Variants in WWOX observed in about 807,000 individuals in gnomAD.
WWOX encodes the protein WW domain-containing oxidoreductase.
WWOX carries 69 observed loss-of-function variants against 46.2 expected under a neutral mutation model. That is an observed-to-expected ratio of 1.49 (90% CI 1.23 to 1.82). The LOEUF is 1.82. WWOX is among the 40% of genes most tolerant of loss of function. The probability of loss-of-function intolerance (pLI) is 0.00; values close to 1 mark genes in which losing one functional copy is unlikely to be tolerated. For missense variants in WWOX, 919 were observed against 542.6 expected (o/e 1.69, Z -6.89); for synonymous variants, 359 against 202.6 (o/e 1.77, Z -6.56).
chr16:78,511,431 A>G (rs1049499139), intron 8 of WWOX, among the ~76,000 whole-genome samples: 1 of 152,212 alleles, frequency 6.6e-6, no homozygotes, highest in African/African-American at 2.4e-5. Flanking sequence ...ACATTTTGCA[A>G]TCCCATGCAC....
intron 5 of WWOX, among the ~76,000 whole-genome samples, chr16:78,326,585 C>G (rs866995766): frequency 3.9e-5 from 4 of 103,596 alleles, no homozygotes; most frequent in Middle Eastern, 4.8e-3. Flanking sequence ...CCGCCCCCCC[C>G]CCCCGCAATG....
intron 8 of WWOX, among the ~76,000 whole-genome samples, chr16:79,097,050 A>T (rs1447811497): frequency 6.6e-6 from 1 of 152,072 alleles, no homozygotes; most frequent in Non-Finnish European, 1.5e-5. Flanking sequence ...TTCATTTAAA[A>T]GGTCAGGTTG....
At chr16:78,645,568 G>A (rs1179706207) in intron 8 of WWOX, among the ~76,000 whole-genome samples, 1 of 152,114 alleles carries the variant, frequency 6.6e-6, no homozygotes, top group Non-Finnish European at 1.5e-5. Flanking sequence ...GAAAGTGAAG[G>A]GGAGCCAGCA....
intron 8 of WWOX, among the ~76,000 whole-genome samples, chr16:78,615,471 C>G (rs74775294): frequency 6.6e-6 from 1 of 151,924 alleles, no homozygotes; most frequent in Non-Finnish European, 1.5e-5. Flanking sequence ...CAGCATAGCA[C>G]GACCCATCTC....
intron 5 of WWOX, among the ~76,000 whole-genome samples, chr16:78,285,237 A>G (rs541533712): frequency 6.6e-6 from 1 of 152,114 alleles, no homozygotes; most frequent in South Asian, 2.1e-4. Context: ...GTTCGAGACT[A>G]CCCTGGGCAA....
At chr16:78,389,122 C>T (rs1404856592) in intron 6 of WWOX, among the ~76,000 whole-genome samples, 1 of 152,198 alleles carries the variant, frequency 6.6e-6, no homozygotes, top group Non-Finnish European at 1.5e-5. Context: ...AGATAACATC[C>T]CCCAGCCAGC....
At chr16:78,731,122 A>T (rs2048959866) in intron 8 of WWOX, among the ~76,000 whole-genome samples, 2 of 152,240 alleles carry the variant, frequency 1.3e-5, no homozygotes, top group South Asian at 2.1e-4. Flanking sequence ...TTTTGAGTGA[A>T]TCTGGTTTAA....
At chr16:78,955,744 C>T (rs947021620) in intron 8 of WWOX, among the ~76,000 whole-genome samples, 1 of 151,160 alleles carries the variant, frequency 6.6e-6, no homozygotes, top group African/African-American at 2.4e-5. Flanking sequence ...GCCTCCTAAA[C>T]TCAAGCAGTT....
At chr16:78,825,937 TC>T in intron 8 of WWOX, 1 of 811,300 alleles carries the variant, frequency 1.2e-6, no homozygotes, top group Non-Finnish European at 2.0e-6. Context: ...TGCCCACCAC[TC>T]CCATCTCAGA....
chr16:78,714,990 G>C (rs997852645), intron 8 of WWOX, among the ~76,000 whole-genome samples: 1 of 152,150 alleles, frequency 6.6e-6, no homozygotes, highest in Admixed American at 6.5e-5. Context: ...GCTCGGTAGA[G>C]AATGGATTGT....
chr16:78,429,033 G>A (rs774090703), intron 7 of WWOX, among the ~76,000 whole-genome samples: 1 of 152,122 alleles, frequency 6.6e-6, no homozygotes, highest in Non-Finnish European at 1.5e-5. Flanking sequence ...CTTGGTCCTT[G>A]GATTGGAATT....
At chr16:79,183,920 C>T (rs1049153665) in intron 8 of WWOX, among the ~76,000 whole-genome samples, 1 of 152,208 alleles carries the variant, frequency 6.6e-6, no homozygotes, top group Non-Finnish European at 1.5e-5. Context: ...TCGAGACCTG[C>T]CACTCAGATG....
At chr16:78,483,589 G>A (rs182182865) in intron 8 of WWOX, among the ~76,000 whole-genome samples, 1 of 152,158 alleles carries the variant, frequency 6.6e-6, no homozygotes, top group Admixed American at 6.5e-5. Flanking sequence ...AAAATCAATA[G>A]GGATTAACCT....
intron 8 of WWOX, among the ~76,000 whole-genome samples, chr16:78,497,539 A>AACAG (rs1555549857): frequency 3.3e-5 from 5 of 151,858 alleles, no homozygotes; most frequent in African/African-American, 1.2e-4. Context: ...ATCCTACAGA[A>AACAG]AGAGAATATT....
chr16:78,962,502 T>C lies in WWOX; in HGVS notation c.1057-249106T>C, dbSNP rs532261677. ...GAAAGTGAGATTGCTTCACATTGCA[T>C]TTAAAGGCTTAAATAATGTATTCTG... On this transcript the variant is annotated intron_variant, in intron 8 of 8. Transcript: ENST00000566780. Among the ~76,000 whole-genome samples the C allele has an allele frequency of 2.0e-5, 3 of 152,146 alleles. No individual in the cohort carries two copies. The South Asian group carries it at 6.2e-4, about 32-fold the overall frequency.
rs1012216639 is a variant in WWOX at position 78,190,283 on chromosome 16, G to A, written c.516+25994G>A. Among the ~76,000 whole-genome samples the A allele has an allele frequency of 4.6e-5, 7 of 152,178 alleles. No homozygotes were observed. The East Asian group carries it at 9.6e-4, about 21-fold the overall frequency. ...ATGGGCTGCTAGCGCTTAGTTTCCTGCCACAGGGAGACAGTAAGAAAGGTG... is the reference window on the plus strand; with the variant it reads ...ATGGGCTGCTAGCGCTTAGTTTCCTACCACAGGGAGACAGTAAGAAAGGTG... On this transcript the variant is annotated intron_variant, in intron 5 of 8. Coordinates refer to ENST00000566780, the MANE Select transcript of WWOX (RefSeq NM_016373.4).
chr16:78,536,471 C>G (rs927374334), intron 8 of WWOX, among the ~76,000 whole-genome samples: 1 of 151,968 alleles, frequency 6.6e-6, no homozygotes, highest in African/African-American at 2.4e-5. Flanking sequence ...GAGCTGGGTT[C>G]TCTCTGCTTT....
At chr16:78,489,798 A>G (rs1396079083) in intron 8 of WWOX, among the ~76,000 whole-genome samples, 1 of 152,284 alleles carries the variant, frequency 6.6e-6, no homozygotes, top group East Asian at 1.9e-4. Flanking sequence ...ATCTGGGACC[A>G]CAGTTCCGGC....
intron 8 of WWOX, among the ~76,000 whole-genome samples, chr16:78,881,563 C>A (rs760622124): frequency 9.2e-5 from 14 of 152,166 alleles, no homozygotes; most frequent in Non-Finnish European, 1.5e-4. Flanking sequence ...AACCTCAAGG[C>A]AATTGCTGTC....
Sources: allele counts gnomAD v4.1 joint callset (sites outside exome capture counted in the v4.1 genomes callset), GRCh38; gene constraint gnomAD v4.1.1; transcripts MANE v1.5; gene names NCBI Gene and HGNC (gene_info 2026-07-23, HGNC 2026-07-21).